KLHL24: variants seen among roughly 807,000 people sequenced by gnomAD.
KLHL24 encodes kelch like family member 24.
KLHL24 carries 29 observed loss-of-function variants against 53.4 expected under a neutral mutation model. The ratio of observed to expected loss-of-function variants is 0.54; its 90% CI spans 0.40 to 0.74. The LOEUF (loss-of-function observed/expected upper bound fraction) is 0.74. KLHL24 is among the 30% of genes least tolerant of loss of function. The pLI is 0.00. For missense variants in KLHL24, 504 were observed against 744.0 expected (o/e 0.68, Z 3.75); for synonymous variants, 222 against 253.7 (o/e 0.88, Z 1.19).
Position 183,650,888 on chromosome 3 carries a change from C to T in KLHL24, c.532C>T (p.His178Tyr). Residue 178 changes from histidine (H) to tyrosine (Y), a missense_variant, in exon 3 of 8, where the codon CAT (histidine) becomes TAT (tyrosine). His to Tyr is a moderately conservative substitution (Grantham distance 83). Transcript: ENST00000242810. This position sits in a 1 kb window ranked among gnomAD's most constrained non-coding sequence, Gnocchi z 4.5. Reference sequence around the variant, plus strand: ...AGGAATCCAGCGCTTTGCTGATACCCATTCACTCAAAACACTCTTCACAAA... The same window carrying T: ...AGGAATCCAGCGCTTTGCTGATACCTATTCACTCAAAACACTCTTCACAAA... ...CLGIQRFADT[H>Y]SLKTLFTKCK... 1 of 1,614,150 alleles carries T rather than the reference C, an allele frequency of 6.2e-7. No individual in the cohort carries two copies.
chr3:183,662,546 A>G (rs1398045948), intron 3 of KLHL24, among the ~76,000 whole-genome samples: 3 of 152,202 alleles, frequency 2.0e-5, no homozygotes, highest in Non-Finnish European at 4.4e-5. Context: ...TAAAATTCCT[A>G]AACTATCAAT....
chr3:183,649,666 A>T (rs1386494371), intron 2 of KLHL24, among the ~76,000 whole-genome samples: 3 of 152,092 alleles, frequency 2.0e-5, no homozygotes, highest in African/African-American at 7.2e-5. Context: ...CTGTAATCCC[A>T]GTACTTTGAG....
intron 2 of KLHL24, among the ~76,000 whole-genome samples, chr3:183,646,840 C>T (rs554317814): frequency 1.3e-5 from 2 of 151,890 alleles, no homozygotes; most frequent in Non-Finnish European, 2.9e-5. Context: ...GATGGAGTCT[C>T]GCTCTGTCAC....
chr3:183,636,536 A>G (rs1259544999), intron 1 of KLHL24: 1 of 150,842 alleles, frequency 6.6e-6, no homozygotes, highest in Non-Finnish European at 1.5e-5. Context: ...CCTTCTTACC[A>G]CTCCAGGACT....
Position 183,663,586 on chromosome 3 carries a change from A to G in KLHL24, c.1049A>G (p.Glu350Gly). The change falls in exon 4 of 8, where the codon GAA becomes GGA. Residue 350 changes from glutamate (E) to glycine (G), a missense_variant. Coordinates refer to ENST00000242810, the MANE Select transcript of KLHL24 (RefSeq NM_017644.3). The surrounding 1 kb of genome is among the most constrained non-coding windows in gnomAD (Gnocchi z 4.9). ...GEWKSLAKLPEFTKSEYAVCA... is the reference protein window; with the variant it reads ...GEWKSLAKLPGFTKSEYAVCA... The stretch of plus-strand genomic sequence containing the variant: ...TGGAAGTCTTTGGCTAAGCTTCCAG[A>G]ATTTACCAAATCAGAGTATGCAGTC... 6.2e-7 allele frequency: 1 copy of G among 1,607,864 alleles called. No individual in the cohort carries two copies. Among genetic ancestry groups the G allele is most frequent in the Non-Finnish European group, 8.5e-7 (1 of 1,176,418 alleles).
intron 3 of KLHL24, among the ~76,000 whole-genome samples, chr3:183,659,507 G>A (rs1560168556): frequency 6.6e-6 from 1 of 152,238 alleles, no homozygotes; most frequent in African/African-American, 2.4e-5. Flanking sequence ...ACTCCAGCTT[G>A]AGCAACAGAG....
chr3:183,647,310 G>T (rs1717428024), intron 2 of KLHL24, among the ~76,000 whole-genome samples: 1 of 152,126 alleles, frequency 6.6e-6, no homozygotes, highest in Admixed American at 6.5e-5. Flanking sequence ...CAGTTACTCA[G>T]GAGGCTGAGG....
chr3:183,682,952 T>TGGGG lies in KLHL24; in HGVS notation c.*3667_*3670dup, dbSNP rs200270060. The TGGGG allele has an allele frequency of 6.7e-6, 1 of 148,280 alleles. No individual in the cohort carries two copies. The highest frequency in any genetic ancestry group is 2.6e-5 in the African/African-American group (1 of 39,088). The allele number at this position is 148,280 out of a possible 1,614,324, so 9.2% of individuals were successfully genotyped here. On this transcript the variant is annotated 3_prime_UTR_variant, in exon 8 of 8. Transcript: ENST00000242810. ...TATTTTTTTCGTTTTTTTTTTTTTT[T>TGGGG]GGGGAAGGGGGGAGAACGGGGTCTT...
rs1388660036 is a variant in KLHL24, at chr3:183,671,181, G to A, written c.1372G>A (p.Val458Met). Reference sequence around the variant, plus strand: ...GACTAGCTGTGTAGGCAAACTGTTTGTGATTGGTGGAGGACCTGATGATAA... The same window carrying A: ...GACTAGCTGTGTAGGCAAACTGTTTATGATTGGTGGAGGACCTGATGATAA... ...AVTSCVGKLF[V>M]IGGGPDDNTC... Residue 458 changes from valine (V) to methionine (M), a missense_variant, in exon 6 of 8, where the codon GTG (valine) becomes ATG (methionine). Transcript: ENST00000242810. The A allele has an allele frequency of 6.2e-7, 1 of 1,613,978 alleles. No homozygotes were observed. The highest frequency in any genetic ancestry group is 1.3e-5 in the African/African-American group (1 of 74,908).
chr3:183,674,892 A>C (rs963793882), intron 7 of KLHL24, among the ~76,000 whole-genome samples: 6 of 152,118 alleles, frequency 3.9e-5, no homozygotes, highest in African/African-American at 1.4e-4. Context: ...TTATCCTGTA[A>C]TGCCTGTTTT....
intron 7 of KLHL24, among the ~76,000 whole-genome samples, chr3:183,677,216 A>T (rs1488246022): frequency 2.0e-5 from 3 of 152,150 alleles, no homozygotes; most frequent in Non-Finnish European, 4.4e-5. Context: ...GTAATTATAT[A>T]TTGTTTTAGA....
rs570591293 is a variant in KLHL24 at position 183,658,440 on chromosome 3, T to C, written c.921-5018T>C. Among the ~76,000 whole-genome samples, 10 of 152,314 alleles carry C rather than the reference T, an allele frequency of 6.6e-5. No individual in the cohort carries two copies. The East Asian group carries it at 1.7e-3, about 26-fold the overall frequency. On this transcript the variant is annotated intron_variant, in intron 3 of 7. Coordinates refer to ENST00000242810, the MANE Select transcript of KLHL24 (RefSeq NM_017644.3). The stretch of plus-strand genomic sequence containing the variant: ...CTATATGGTATCCTATTTATGGATA[T>C]ACCATAATTTATTTTATTTAATCAA...
rs1486546828 is a variant in KLHL24 at position 183,681,523 on chromosome 3, CAG to C, written c.*2239_*2240del. The C allele has an allele frequency of 6.6e-6, 1 of 151,784 alleles. No individual in the cohort carries two copies. 9.4% of individuals were successfully genotyped at this position (151,784 alleles called of 1,614,324 possible). A position where few individuals can be genotyped will look rare whatever the true frequency, so the allele number is the denominator to read the frequency against. On this transcript the variant is annotated 3_prime_UTR_variant, in exon 8 of 8. Coordinates refer to ENST00000242810, the MANE Select transcript of KLHL24 (RefSeq NM_017644.3). ...AAATTTGAAATGAAATCCTGAAAAA[CAG>C]AATTTTTTTAAACACAGACCTCACA...
rs377410456 is a variant in KLHL24, at chr3:183,642,602, CA to C, written c.-124-852del. Among the ~76,000 whole-genome samples, 217 of 92,958 alleles carry C rather than the reference CA, an allele frequency of 2.3e-3. 1 individual carries two copies. Among genetic ancestry groups the C allele is most frequent in the Non-Finnish European group, 3.3e-3 (130 of 39,738 alleles). 61.0% of individuals were successfully genotyped at this position (92,958 alleles called of 152,430 possible). On this transcript the variant is annotated intron_variant, in intron 1 of 7. Coordinates refer to ENST00000242810, the MANE Select transcript of KLHL24 (RefSeq NM_017644.3). The stretch of plus-strand genomic sequence containing the variant: ...AAGCATTCCTCTTCTCCCCTTCCAC[CA>C]AAAAAAAAAAAAAAAAAAAAAAAAA...
At chr3:183,676,706 T>C (rs1384739425) in intron 7 of KLHL24, among the ~76,000 whole-genome samples, 1 of 152,206 alleles carries the variant, frequency 6.6e-6, no homozygotes, top group Non-Finnish European at 1.5e-5. Context: ...TTTTGCTTTT[T>C]AACCTGTGTC....
chr3:183,671,596 G>A (rs1193269361), intron 6 of KLHL24, among the ~76,000 whole-genome samples: 1 of 152,128 alleles, frequency 6.6e-6, no homozygotes, highest in Non-Finnish European at 1.5e-5. Flanking sequence ...GCTTCCAACT[G>A]GGTCATTTTC....
chr3:183,679,208 A>C lies in KLHL24; in HGVS notation c.1725A>C (p.Val575=), dbSNP rs1712425103. ...CTGCAACAAGTATCATCACAGGGGTAGCTGCAATGCCCAGGCCAGTGTCCT... is the reference window on the plus strand; with the variant it reads ...CTGCAACAAGTATCATCACAGGGGTCGCTGCAATGCCCAGGCCAGTGTCCT... ...YDPATSIITG[V]AAMPRPVSYH... Residue 575 remains valine, a synonymous_variant, in exon 8 of 8, where the codon GTA becomes GTC. Coordinates refer to ENST00000242810, the MANE Select transcript of KLHL24 (RefSeq NM_017644.3). 4 of 1,613,764 alleles carry C rather than the reference A, an allele frequency of 2.5e-6. No homozygotes were observed. Among genetic ancestry groups the C allele is most frequent in the Admixed American group, 3.3e-5 (2 of 59,996 alleles).
intron 2 of KLHL24, among the ~76,000 whole-genome samples, chr3:183,644,438 GC>G (rs1353564094): frequency 1.3e-5 from 2 of 152,174 alleles, no homozygotes; most frequent in African/African-American, 4.8e-5. Context: ...AAGTCAAGAT[GC>G]CCAAAAGTCA....
chr3:183,638,880 C>G (rs1715822069), intron 1 of KLHL24, among the ~76,000 whole-genome samples: 1 of 152,238 alleles, frequency 6.6e-6, no homozygotes, highest in Non-Finnish European at 1.5e-5. Flanking sequence ...TTTGGCACAT[C>G]TTAAAGACTA....
Sources: gnomAD v4.1 joint callset for allele counts (sites outside exome capture counted in the v4.1 genomes callset) on GRCh38, gnomAD v4.1.1 for gene constraint, Gnocchi (gnomAD v3.1) non-coding constraint, MANE v1.5 for transcripts, NCBI Gene and HGNC (gene_info 2026-07-23, HGNC 2026-07-21) for gene names.